The following CCDC73 variants were observed in gnomAD, a reference collection of about 807,000 sequenced individuals.
The protein encoded by CCDC73 is coiled-coil domain containing 73, also known as coiled-coil domain-containing protein 73.
In CCDC73, 95 loss-of-function variants were observed where a neutral mutation model predicts 116.5. The ratio of observed to expected loss-of-function variants is 0.82; its 90% CI spans 0.69 to 0.97. The LOEUF (loss-of-function observed/expected upper bound fraction) is 0.97, where lower values mean the gene tolerates loss of function less well. CCDC73 is among the 50% of genes least tolerant of loss of function. The pLI, the probability that CCDC73 is intolerant of heterozygous loss-of-function variation, is 0.00. For missense variants in CCDC73, 1,066 were observed against 1,206.8 expected (o/e 0.88, Z 1.73); for synonymous variants, 398 against 401.3 (o/e 0.99, Z 0.10).
intron 3 of CCDC73, among the ~76,000 whole-genome samples, chr11:32,707,594 G>A (rs1359497518): frequency 6.6e-5 from 10 of 152,070 alleles, no homozygotes; most frequent in Non-Finnish European, 1.5e-5. Context: ...TTTTTTCGAC[G>A]TTCTAAAGAT....
chr11:32,632,490 T>C (rs1299033916), intron 14 of CCDC73, among the ~76,000 whole-genome samples: 3 of 152,164 alleles, frequency 2.0e-5, no homozygotes, highest in Admixed American at 2.0e-4. Flanking sequence ...CCTCCCAAAG[T>C]GCTGGGATTA....
chr11:32,699,619 A>G (rs1849791304), intron 5 of CCDC73, among the ~76,000 whole-genome samples: 2 of 152,268 alleles, frequency 1.3e-5, no homozygotes, highest in Non-Finnish European at 1.5e-5. Context: ...TTCTCAGCAA[A>G]CTATCACAAG....
intron 1 of CCDC73, among the ~76,000 whole-genome samples, chr11:32,788,219 A>G (rs1850644822): frequency 6.6e-6 from 1 of 152,240 alleles, no homozygotes; most frequent in African/African-American, 2.4e-5. Flanking sequence ...CAAGAGAAGG[A>G]TACTTGAAAA....
chr11:32,709,544 C>T (rs559862436), intron 3 of CCDC73, among the ~76,000 whole-genome samples: 28 of 152,288 alleles, frequency 1.8e-4, no homozygotes, highest in African/African-American at 6.3e-4. Context: ...TGATCCACCA[C>T]CTTAGCCTCT....
the CCDC73 span, among the ~76,000 whole-genome samples, chr11:32,804,973 C>T: frequency 6.6e-6 from 1 of 152,204 alleles, no homozygotes; most frequent in Non-Finnish European, 1.5e-5. Flanking sequence ...CTTTCCCTGA[C>T]TCAAACTGCA....
At chr11:32,754,459 GATAAT>G (rs1230860403) in intron 2 of CCDC73, among the ~76,000 whole-genome samples, 1 of 152,056 alleles carries the variant, frequency 6.6e-6, no homozygotes, top group African/African-American at 2.4e-5. Flanking sequence ...TCAAGAAAAA[GATAAT>G]AGAGAAAATA....
intron 1 of CCDC73, among the ~76,000 whole-genome samples, chr11:32,787,494 A>AAG (rs1312675386): frequency 6.6e-6 from 1 of 152,182 alleles, no homozygotes; most frequent in African/African-American, 2.4e-5. Context: ...TAACAAAAAC[A>AAG]TTTTTCCCAA....
At chr11:32,762,923 C>T (rs935417150) in intron 1 of CCDC73, among the ~76,000 whole-genome samples, 4 of 152,162 alleles carry the variant, frequency 2.6e-5, no homozygotes, top group African/African-American at 9.7e-5. Context: ...TTCCAAGGGT[C>T]CTAGCAAACG....
chr11:32,733,549 C>G (rs1850098746), intron 2 of CCDC73, among the ~76,000 whole-genome samples: 1 of 152,160 alleles, frequency 6.6e-6, no homozygotes, highest in South Asian at 2.1e-4. Flanking sequence ...TGTAAGAGAA[C>G]AGAAATTATA....
chr11:32,664,999 T>G (rs567180789), intron 9 of CCDC73, among the ~76,000 whole-genome samples: 2 of 152,324 alleles, frequency 1.3e-5, no homozygotes, highest in South Asian at 4.1e-4. Context: ...GAGTTCTAAT[T>G]TGATTGCACT....
At chr11:32,823,266 G>A in the CCDC73 span, among the ~76,000 whole-genome samples, 14 of 152,210 alleles carry the variant, frequency 9.2e-5, no homozygotes, top group Admixed American at 5.2e-4. Flanking sequence ...CTGAGGTCAG[G>A]AATTTGAGAC....
chr11:32,783,833 G>A (rs1850603910), intron 1 of CCDC73, among the ~76,000 whole-genome samples: 1 of 152,116 alleles, frequency 6.6e-6, no homozygotes, highest in Non-Finnish European at 1.5e-5. Flanking sequence ...GAGAGGAAAG[G>A]AACCCTAGCA....
intron 3 of CCDC73, among the ~76,000 whole-genome samples, chr11:32,712,176 T>C (rs550693458): frequency 1.3e-5 from 2 of 152,236 alleles, no homozygotes; most frequent in Middle Eastern, 3.4e-3. Context: ...GGAAGACAAA[T>C]ACCACATGAT....
At position 32,758,054 on chromosome 11, in the gene CCDC73, G is replaced by A. The variant is rs1850358678; in HGVS notation, c.135+2055C>T. 2.6e-5 allele frequency among the ~76,000 whole-genome samples: 4 copies of A among 152,300 alleles called. No individual in the cohort carries two copies. In the South Asian group the frequency reaches 8.3e-4, roughly 32 times the overall value. On this transcript the variant is annotated intron_variant, in intron 2 of 17. Transcript: ENST00000335185. ...ATTTTCCTACTAAAATGTTGAGGGG[G>A]AAATCTAGGAATACAGGTCAAGTAC...
At chr11:32,631,770 G>A (rs1855633642) in intron 14 of CCDC73, among the ~76,000 whole-genome samples, 1 of 152,208 alleles carries the variant, frequency 6.6e-6, no homozygotes, top group Non-Finnish European at 1.5e-5. Context: ...CTGGCAGATT[G>A]AGGCTGCAGT....
intron 2 of CCDC73, among the ~76,000 whole-genome samples, chr11:32,759,448 A>G (rs1054451093): frequency 6.7e-6 from 1 of 149,972 alleles, no homozygotes; most frequent in African/African-American, 2.5e-5. Flanking sequence ...CTTATGCCTC[A>G]GCCTCCTGAG....
rs1432655057 is a variant in CCDC73, at chr11:32,602,759, CTA to C, written c.*50_*51del. ...AACAGTCATTTTATTCTAGTAAAAA[CTA>C]TACCAGAATTTCAGTTACATAATTT... On this transcript the variant is annotated 3_prime_UTR_variant, in exon 18 of 18. Transcript: ENST00000335185. 7.8e-7 allele frequency: 1 copy of C among 1,280,342 alleles called. No homozygotes were observed. The highest frequency in any genetic ancestry group is 2.5e-5 in the East Asian group (1 of 39,910). The allele number at this position is 1,280,342 out of a possible 1,614,324, so 79.3% of individuals were successfully genotyped here. A position where few individuals can be genotyped will look rare whatever the true frequency, so the allele number is the denominator to read the frequency against.
At chr11:32,672,676 C>G (rs552110094) in intron 9 of CCDC73, among the ~76,000 whole-genome samples, 1 of 152,058 alleles carries the variant, frequency 6.6e-6, no homozygotes, top group South Asian at 2.1e-4. Flanking sequence ...CTTGGGATTC[C>G]AAACAGATTT....
At chr11:32,765,312 A>G (rs921891101) in intron 1 of CCDC73, among the ~76,000 whole-genome samples, 3 of 152,236 alleles carry the variant, frequency 2.0e-5, no homozygotes, top group Non-Finnish European at 1.5e-5. Flanking sequence ...CATAATATAC[A>G]TTCTTCTCAG....
Sources: gnomAD v4.1 joint callset for allele counts (sites outside exome capture counted in the v4.1 genomes callset) on GRCh38, gnomAD v4.1.1 for gene constraint, MANE v1.5 for transcripts, NCBI Gene and HGNC (gene_info 2026-07-23, HGNC 2026-07-21) for gene names.